Variants in SLC25A48 observed in about 807,000 individuals in gnomAD.
The protein encoded by SLC25A48 is CTC-321K16.1.
A neutral mutation model predicts 32.2 loss-of-function variants in SLC25A48; 29 were observed. The ratio of observed to expected loss-of-function variants is 0.90; its 90% CI spans 0.67 to 1.23. The LOEUF is 1.23. SLC25A48 is among the 50% of genes most tolerant of loss of function. The pLI is 0.00. For missense variants in SLC25A48, 399 were observed against 422.7 expected, an observed-to-expected ratio of 0.94 and a Z score of 0.49; for synonymous variants, 164 against 172.3, an observed-to-expected ratio of 0.95 and a Z score of 0.38.
intron 1 of SLC25A48, among the ~76,000 whole-genome samples, chr5:135,613,529 A>G (rs1039653491): frequency 3.7e-4 from 56 of 152,060 alleles, no homozygotes; most frequent in African/African-American, 1.3e-3. Flanking sequence ...TGTTTTCCCT[A>G]TGTTTTCTTC....
At position 135,611,496 on chromosome 5, in the gene SLC25A48, C is replaced by CAAAAAAAAA. The variant is rs57138043; in HGVS notation, c.-848-17718_-848-17710dup. On this transcript the variant is annotated intron_variant, in intron 1 of 10. Transcript: ENST00000646290. ...TCGGTGACAGAGCGAGACTCCATCT[C>CAAAAAAAAA]AAAAAAAAAAAAAAAAAAAAAAAAA... Among the ~76,000 whole-genome samples, 36 of 21,342 alleles carry CAAAAAAAAA rather than the reference C, an allele frequency of 1.7e-3. 1 individual carries two copies. Among genetic ancestry groups the CAAAAAAAAA allele is most frequent in the East Asian group, 8.9e-3 (2 of 224 alleles). The allele number at this position is 21,342 out of a possible 152,430, so 14.0% of individuals were successfully genotyped here. A position where few individuals can be genotyped will look rare whatever the true frequency, so the allele number is the denominator to read the frequency against.
chr5:135,612,101 A>C (rs1752086604), intron 1 of SLC25A48, among the ~76,000 whole-genome samples: 1 of 152,262 alleles, frequency 6.6e-6, no homozygotes, highest in Non-Finnish European at 1.5e-5. Flanking sequence ...ATTTCATTTT[A>C]ATTGTCTAAC....
intron 4 of SLC25A48, among the ~76,000 whole-genome samples, chr5:135,855,626 C>G (rs1271483596): frequency 6.6e-6 from 1 of 152,212 alleles, no homozygotes; most frequent in Non-Finnish European, 1.5e-5. Flanking sequence ...GCTAAGGCCC[C>G]TTGTTCAAAA....
chr5:135,866,762 G>A (rs1708641804), intron 4 of SLC25A48, among the ~76,000 whole-genome samples: 1 of 152,256 alleles, frequency 6.6e-6, no homozygotes, highest in African/African-American at 2.4e-5. Context: ...GCTGGACAAG[G>A]CAGGAGGCCT....
At position 135,750,789 on chromosome 5, in the gene SLC25A48, G is replaced by C. The variant is rs533867501; in HGVS notation, c.-520-61734G>C. ...GTCTAACTTTGCCCTCCTACGTGTG[G>C]GGAGGGGGTTCTATTCTACCCCTTA... On this transcript the variant is annotated intron_variant, in intron 3 of 10. Coordinates refer to the SLC25A48 transcript ENST00000646290. Among the ~76,000 whole-genome samples, 13 of 152,250 alleles carry C rather than the reference G, an allele frequency of 8.5e-5. No individual in the cohort carries two copies. The South Asian group carries it at 2.7e-3, about 32-fold the overall frequency.
At chr5:135,881,148 T>C (rs1362576690) in intron 7 of SLC25A48, among the ~76,000 whole-genome samples, 1 of 152,226 alleles carries the variant, frequency 6.6e-6, no homozygotes. Flanking sequence ...TCTTCCTCAT[T>C]GTCTGGCCCC....
intron 3 of SLC25A48, among the ~76,000 whole-genome samples, chr5:135,698,766 CATTTGAAATACATAT>C (rs1283758589): frequency 6.6e-6 from 1 of 152,106 alleles, no homozygotes; most frequent in Non-Finnish European, 1.5e-5. Context: ...ATGAATAAGT[CATTTGAAATACATAT>C]ATTTGAAATA....
intron 3 of SLC25A48, among the ~76,000 whole-genome samples, chr5:135,805,040 T>C (rs1001074902): frequency 6.6e-6 from 1 of 151,472 alleles, no homozygotes; most frequent in Non-Finnish European, 1.5e-5. Flanking sequence ...ATTCATAGTA[T>C]CCTAGGAAGA....
rs549959614 is a variant in SLC25A48 at position 135,789,730 on chromosome 5, TA to T, written c.-520-22792del. Among the ~76,000 whole-genome samples, 148 of 82,562 alleles carry T rather than the reference TA, an allele frequency of 1.8e-3. 1 individual carries two copies. Among genetic ancestry groups the T allele is most frequent in the African/African-American group, 4.2e-3 (145 of 34,384 alleles). The allele number at this position is 82,562 out of a possible 152,430, so 54.2% of individuals were successfully genotyped here. A position where few individuals can be genotyped will look rare whatever the true frequency, so the allele number is the denominator to read the frequency against. ...CACCCTTCTGTGATATGGTTCTTAA[TA>T]TTAAGGGGGGATAGCCTGGTATTAC... is the stretch of plus-strand genomic sequence containing the variant. On this transcript the variant is annotated intron_variant, in intron 3 of 10. Transcript: ENST00000646290.
chr5:135,712,132 A>C (rs981917077), intron 3 of SLC25A48, among the ~76,000 whole-genome samples: 49 of 152,158 alleles, frequency 3.2e-4, no homozygotes, highest in African/African-American at 1.1e-3. Context: ...GTGGGATTGT[A>C]TCTCCCGCCA....
rs568623894 is a variant in SLC25A48, at chr5:135,779,159, A to G, written c.-520-33364A>G. Among the ~76,000 whole-genome samples the G allele has an allele frequency of 1.4e-4, 22 of 151,966 alleles. 1 individual carries two copies. The South Asian group carries it at 4.6e-3, about 32-fold the overall frequency. On this transcript the variant is annotated intron_variant, in intron 3 of 10. Transcript: ENST00000646290. ...AGCGTACACCCACCCCCTCTGTGATATTGTTCCTAATATCCAGAGCATGAG... is the reference window on the plus strand; with the variant it reads ...AGCGTACACCCACCCCCTCTGTGATGTTGTTCCTAATATCCAGAGCATGAG...
rs528611521 is a variant in SLC25A48, at chr5:135,888,527, G to T, written c.*503G>T. On this transcript the variant is annotated 3_prime_UTR_variant, in exon 8 of 8. Transcript: ENST00000681962. Reference sequence around the variant, plus strand: ...AGCGGTAGCGCCTTCCTCACCGCACGCTGAGTCCAGTGCGTGCTCCTCACT... The same window carrying T: ...AGCGGTAGCGCCTTCCTCACCGCACTCTGAGTCCAGTGCGTGCTCCTCACT... 4.9e-5 allele frequency: 8 copies of T among 164,562 alleles called. No homozygotes were observed. The East Asian group carries it at 1.3e-3, about 27-fold the overall frequency. 10.2% of individuals were successfully genotyped at this position (164,562 alleles called of 1,614,324 possible).
At position 135,596,635 on chromosome 5, in the gene SLC25A48, G is replaced by T. The variant is rs575806471; in HGVS notation, c.-849+17038G>T. ...GTTGTCCGTGGGGCTGCTGAGGAGC[G>T]AGTGGTTGTCAGCCCCTTCTTGCCT... On this transcript the variant is annotated intron_variant, in intron 1 of 10. Coordinates refer to the SLC25A48 transcript ENST00000646290. Among the ~76,000 whole-genome samples, 5 of 152,302 alleles carry T rather than the reference G, an allele frequency of 3.3e-5. No homozygotes were observed. In the East Asian group the frequency reaches 7.7e-4, roughly 23 times the overall value.
chr5:135,792,862 C>T (rs1306465083), intron 3 of SLC25A48, among the ~76,000 whole-genome samples: 4 of 151,316 alleles, frequency 2.6e-5, no homozygotes, highest in South Asian at 2.1e-4. Flanking sequence ...TCATAATATC[C>T]AGGGGAGATA....
intron 1 of SLC25A48, among the ~76,000 whole-genome samples, chr5:135,838,900 T>C (rs1389333016): frequency 6.6e-6 from 1 of 152,018 alleles, no homozygotes; most frequent in African/African-American, 2.4e-5. Flanking sequence ...GGATGGGAAA[T>C]GTAGGGTGGG....
intron 3 of SLC25A48, among the ~76,000 whole-genome samples, chr5:135,725,276 C>G (rs762873850): frequency 4.6e-5 from 7 of 152,170 alleles, no homozygotes; most frequent in Non-Finnish European, 8.8e-5. Flanking sequence ...AGTCAACAAG[C>G]AAGATACTTC....
At chr5:135,583,935 A>G (rs1342683444) in intron 1 of SLC25A48, among the ~76,000 whole-genome samples, 1 of 152,178 alleles carries the variant, frequency 6.6e-6, no homozygotes, top group Non-Finnish European at 1.5e-5. Flanking sequence ...TTCCCTGGCC[A>G]TGCTCTGGGG....
intron 3 of SLC25A48, among the ~76,000 whole-genome samples, chr5:135,737,841 G>A (rs1173459197): frequency 1.3e-5 from 2 of 152,090 alleles, no homozygotes; most frequent in Admixed American, 1.3e-4. Context: ...AACAAACCCA[G>A]CCTCCTACTT....
chr5:135,838,402 T>C (rs1344647116), intron 1 of SLC25A48, among the ~76,000 whole-genome samples: 3 of 151,976 alleles, frequency 2.0e-5, no homozygotes, highest in Non-Finnish European at 4.4e-5. Flanking sequence ...CAATAGAAAA[T>C]AAAAACCCAT....
Sources: gnomAD v4.1 joint callset for allele counts (sites outside exome capture counted in the v4.1 genomes callset) on GRCh38, gnomAD v4.1.1 for gene constraint, MANE v1.5 for transcripts, NCBI Gene and HGNC (gene_info 2026-07-23, HGNC 2026-07-21) for gene names.